Variants in C1orf141 observed in about 807,000 individuals in gnomAD.
C1orf141 encodes chromosome 1 open reading frame 141, also known as uncharacterized protein C1orf141.
A neutral mutation model predicts 23.2 loss-of-function variants in C1orf141; 19 were observed. That is an observed-to-expected ratio of 0.82 (90% CI 0.57 to 1.20). The LOEUF is 1.20. Ranked by LOEUF, C1orf141 falls within the 50% of genes most tolerant of loss-of-function variation. The probability of loss-of-function intolerance (pLI) is 0.00; values close to 1 mark genes in which losing one functional copy is unlikely to be tolerated. For missense variants in C1orf141, 469 were observed against 455.1 expected (o/e 1.03, Z -0.28); for synonymous variants, 153 against 154.6 (o/e 0.99, Z 0.08).
intron 7 of C1orf141, chr1:67,093,871 G>A (rs1197344267): frequency 4.3e-5 from 9 of 210,264 alleles, no homozygotes; most frequent in East Asian, 1.0e-4. Context: ...ATTGGAATAC[G>A]AAAAAATTAA....
chr1:67,120,136 G>A (rs574472873), intron 4 of C1orf141, among the ~76,000 whole-genome samples: 80 of 152,248 alleles, frequency 5.3e-4, no homozygotes, highest in Admixed American at 4.6e-3. Flanking sequence ...TTGCTTGCAT[G>A]GTTTTAGAAT....
chr1:67,141,171 G>A lies in C1orf141; in HGVS notation c.-103-9944C>T, dbSNP rs1003743963. ...CACAGAATGATTCTTTTAAGACAAA[G>A]TATAAGTCTCTGTTCAAAGAAAAAG... On this transcript the variant is annotated intron_variant, in intron 1 of 7. Transcript: ENST00000371007. 5.3e-5 allele frequency among the ~76,000 whole-genome samples: 8 copies of A among 152,136 alleles called. 1 individual carries two copies. The highest frequency in any genetic ancestry group is 8.8e-5 in the Non-Finnish European group (6 of 68,000).
At chr1:67,125,251 T>A (rs947338173) in intron 4 of C1orf141, among the ~76,000 whole-genome samples, 2 of 152,160 alleles carry the variant, frequency 1.3e-5, no homozygotes, top group African/African-American at 4.8e-5. Flanking sequence ...TCTACACTAG[T>A]AAAATATTAT....
rs11806560 is a variant in C1orf141 at position 67,092,592 on chromosome 1, C to T, written c.*413G>A. The T allele has an allele frequency of 0.1, 15,476 of 155,414 alleles. 1,239 individuals carry two copies. The highest frequency in any genetic ancestry group is 0.22 in the African/African-American group (8,981 of 41,492). 9.6% of individuals were successfully genotyped at this position (155,414 alleles called of 1,614,324 possible). ...CTGAAATGCTGGTATACAATTAACT[C>T]CACAGTCATTAAATTAATGGTAATT... On this transcript the variant is annotated 3_prime_UTR_variant, in exon 8 of 8. Transcript: ENST00000684719.
At chr1:67,098,706 G>A (rs1224671468) in intron 5 of C1orf141, among the ~76,000 whole-genome samples, 4 of 152,108 alleles carry the variant, frequency 2.6e-5, no homozygotes, top group African/African-American at 9.7e-5. Flanking sequence ...TTAATTAACA[G>A]TGTCAATTGA....
At chr1:67,127,766 C>T (rs1055770803) in intron 2 of C1orf141, among the ~76,000 whole-genome samples, 8 of 151,990 alleles carry the variant, frequency 5.3e-5, no homozygotes, top group Non-Finnish European at 7.4e-5. Context: ...TCCTGAGTAG[C>T]TGGGATTACA....
chr1:67,124,342 T>A (rs915934910), intron 4 of C1orf141, among the ~76,000 whole-genome samples: 2 of 152,116 alleles, frequency 1.3e-5, no homozygotes, highest in Non-Finnish European at 2.9e-5. Context: ...AGATGGAGTC[T>A]TGCTCTGTTG....
chr1:67,098,393 C>T (rs1334440378), intron 5 of C1orf141, among the ~76,000 whole-genome samples: 2 of 152,078 alleles, frequency 1.3e-5, no homozygotes, highest in Non-Finnish European at 1.5e-5. Flanking sequence ...TTGTGGCGAA[C>T]GCCTTATAGT....
At chr1:67,127,390 A>C in intron 2 of C1orf141, 133 bp from the exon 3 acceptor site, 3 of 571,938 alleles carry the variant, frequency 5.2e-6, no homozygotes, top group Non-Finnish European at 9.0e-6. Context: ...TCATACAGTA[A>C]ATCATAGAAT....
chr1:67,125,874 AGTT>A lies in C1orf141; in HGVS notation c.108_110del (p.Thr37del). 6.3e-7 allele frequency: 1 copy of A among 1,576,446 alleles called. No individual in the cohort carries two copies. Among genetic ancestry groups the A allele is most frequent in the Non-Finnish European group, 8.6e-7 (1 of 1,156,294 alleles). The stretch of plus-strand genomic sequence containing the variant: ...AATCAAATGTCAGGGGTATAGCCAT[AGTT>A]GTTTTTCTTCCTTCACTCTGAAGCC... On this transcript the variant is annotated inframe_deletion, in exon 4 of 8. Coordinates refer to ENST00000684719, the MANE Select transcript of C1orf141 (RefSeq NM_001276351.2).
intron 1 of C1orf141, among the ~76,000 whole-genome samples, chr1:67,140,735 A>AT (rs1186936683): frequency 2.6e-5 from 4 of 152,172 alleles, no homozygotes; most frequent in African/African-American, 4.8e-5. Flanking sequence ...TTTATTTAAT[A>AT]TTTTTTATAA....
At chr1:67,101,692 C>A (rs1346720763) in intron 5 of C1orf141, among the ~76,000 whole-genome samples, 3 of 151,914 alleles carry the variant, frequency 2.0e-5, no homozygotes, top group South Asian at 4.2e-4. Flanking sequence ...ATTTTTCTTC[C>A]CTATTTTCTT....
At chr1:67,134,216 C>G (rs12068633) in intron 1 of C1orf141, among the ~76,000 whole-genome samples, 42,449 of 152,152 alleles carry the variant, frequency 0.28, 6,441 homozygotes, top group Admixed American at 0.44. Context: ...TGTGGCCAGG[C>G]TGGTCTCTAA....
intron 5 of C1orf141, chr1:67,103,092 T>C: frequency 2.1e-6 from 1 of 468,426 alleles, no homozygotes; most frequent in Non-Finnish European, 3.8e-6. Context: ...GGTTTAAGAG[T>C]AAGAAAAGAA....
intron 5 of C1orf141, among the ~76,000 whole-genome samples, chr1:67,113,923 G>A (rs935048772): frequency 2.6e-5 from 4 of 152,130 alleles, no homozygotes; most frequent in Admixed American, 1.3e-4. Flanking sequence ...GGGATCCCTG[G>A]TCTTAAATCT....
chr1:67,112,837 T>G (rs896824981), intron 5 of C1orf141, among the ~76,000 whole-genome samples: 1 of 152,196 alleles, frequency 6.6e-6, no homozygotes, highest in Non-Finnish European at 1.5e-5. Context: ...AGGACGCCTC[T>G]CTGAACAGAT....
chr1:67,138,162 G>T (rs907600239), upstream of C1orf141, among the ~76,000 whole-genome samples: 1 of 152,126 alleles, frequency 6.6e-6, no homozygotes, highest in Admixed American at 6.5e-5. Flanking sequence ...TAAGCCAATA[G>T]TTTTGCCTCA....
chr1:67,102,956 G>A (rs2102432203), intron 5 of C1orf141, among the ~76,000 whole-genome samples: 1 of 152,120 alleles, frequency 6.6e-6, no homozygotes, highest in East Asian at 1.9e-4. Context: ...AGACAATCAG[G>A]AATCCATCAG....
At position 67,093,157 on chromosome 1, in the gene C1orf141, A is replaced by C; in HGVS notation, c.1051T>G (p.Phe351Val). Reference protein sequence around the residue: ...SAQTGKFERMFSAGKPTSIPT... With the variant: ...SAQTGKFERMVSAGKPTSIPT... ...ATGCTCGTTGGTTTTCCTGCAGAAA[A>C]CATTCTTTCAAATTTTCCAGTTTGG... Residue 351 changes from phenylalanine (F) to valine (V), a missense_variant, in exon 8 of 8, where the codon TTT (phenylalanine) becomes GTT (valine). This residue lies in a region of C1orf141 where 370 missense variants were observed against 348.1 expected (regional missense o/e 1.06). Transcript: ENST00000684719. 1 of 1,613,940 alleles carries C rather than the reference A, an allele frequency of 6.2e-7. No homozygotes were observed.
Sources: allele counts gnomAD v4.1 joint callset (sites outside exome capture counted in the v4.1 genomes callset), GRCh38; gene constraint gnomAD v4.1.1; regional missense constraint gnomAD v4.1.1; transcripts MANE v1.5; gene names NCBI Gene and HGNC (gene_info 2026-07-23, HGNC 2026-07-21).